The following NCS1 variants were observed in gnomAD, a reference collection of about 807,000 sequenced individuals.
NCS1 encodes the protein neuronal calcium sensor 1.
In NCS1, 6 loss-of-function variants were observed where a neutral mutation model predicts 28.4. The observed-to-expected ratio is 0.21, with a 90% CI of 0.12 to 0.42. The LOEUF is 0.42. Ranked by LOEUF, NCS1 falls within the 10% of genes least tolerant of loss-of-function variation. The pLI, the probability that NCS1 is intolerant of heterozygous loss-of-function variation, is 1.00. For missense variants in NCS1, 131 were observed against 241.4 expected, an observed-to-expected ratio of 0.54 and a Z score of 3.03; for synonymous variants, 86 against 99.3, an observed-to-expected ratio of 0.87 and a Z score of 0.79.
rs1833245932 is a variant in NCS1 at position 130,219,632 on chromosome 9, A to G, written c.229-93A>G. On this transcript the variant is annotated intron_variant, in intron 3 of 7. Coordinates refer to ENST00000372398, the MANE Select transcript of NCS1 (RefSeq NM_014286.4). The surrounding 1 kb of genome is among the most constrained non-coding windows in gnomAD (Gnocchi z 5.7). ...AGTGTCCATTGGCCACAGTGTCTGG[A>G]GCCTGCGACTGCCCCTCGCCCGTCC... 8.7e-7 allele frequency: 1 copy of G among 1,149,036 alleles called. No homozygotes were observed. The highest frequency in any genetic ancestry group is 1.3e-5 in the South Asian group (1 of 78,516). 71.2% of individuals were successfully genotyped at this position (1,149,036 alleles called of 1,614,324 possible). A position where few individuals can be genotyped will look rare whatever the true frequency, so the allele number is the denominator to read the frequency against.
chr9:130,212,961 G>T (rs10988641), intron 2 of NCS1, among the ~76,000 whole-genome samples: 85,348 of 151,790 alleles, frequency 0.56, 24,533 homozygotes, highest in East Asian at 0.86. Context: ...GGCTGGGGTG[G>T]CTGGGAAGGT....
rs1833604904 is a variant in NCS1, at chr9:130,237,070, G to A, written c.*4098G>A. ...GCTTGCAAAAACAAACAAACAAAAG[G>A]CAATGTCTTCTGGTTGTGGTTATTT... On this transcript the variant is annotated 3_prime_UTR_variant, in exon 8 of 8. Coordinates refer to ENST00000372398, the MANE Select transcript of NCS1 (RefSeq NM_014286.4). 1 of 152,252 alleles carries A rather than the reference G, an allele frequency of 6.6e-6. No individual in the cohort carries two copies. Among genetic ancestry groups the A allele is most frequent in the African/African-American group, 2.4e-5 (1 of 41,414 alleles). 9.4% of individuals were successfully genotyped at this position (152,252 alleles called of 1,614,324 possible). A position where few individuals can be genotyped will look rare whatever the true frequency, so the allele number is the denominator to read the frequency against.
intron 1 of NCS1, among the ~76,000 whole-genome samples, chr9:130,176,138 T>TTTTC (rs71387327): frequency 0.075 from 7,671 of 101,972 alleles, 519 homozygotes; most frequent in South Asian, 0.099. Context: ...TATTTGTTCA[T>TTTTC]TTTCTTTCTT....
chr9:130,200,927 T>G, intron 1 of NCS1, 31 bp from the exon 2 acceptor site: 1 of 1,614,232 alleles, frequency 6.2e-7, no homozygotes, highest in Non-Finnish European at 8.5e-7. Flanking sequence ...TTCCCTGAGC[T>G]AAAAGCCTAC....
chr9:130,199,794 C>T (rs139870245), intron 1 of NCS1, among the ~76,000 whole-genome samples: 66 of 152,364 alleles, frequency 4.3e-4, no homozygotes, highest in African/African-American at 1.6e-3. Flanking sequence ...ACAAACAATT[C>T]AGAGACACCT....
intron 1 of NCS1, among the ~76,000 whole-genome samples, chr9:130,194,526 T>C (rs1216489253): frequency 1.3e-5 from 2 of 152,108 alleles, no homozygotes; most frequent in East Asian, 3.9e-4. Flanking sequence ...GCCCCCCCTC[T>C]CCCAGGGCCC....
chr9:130,211,433 C>T lies in NCS1; in HGVS notation c.90-6399C>T, dbSNP rs114770300. On this transcript the variant is annotated intron_variant, in intron 2 of 7. Transcript: ENST00000372398. ...CAGTCTGCAGGGAGACTCGGGATAA[C>T]GGGTTGTTCCTGGTGCCATCTCTAC... is the stretch of plus-strand genomic sequence containing the variant. Among the ~76,000 whole-genome samples the T allele has an allele frequency of 4.9e-3, 738 of 151,594 alleles. 9 individuals carry two copies. The highest frequency in any genetic ancestry group is 0.039 in the South Asian group (185 of 4,782).
intron 7 of NCS1, among the ~76,000 whole-genome samples, chr9:130,228,210 G>A (rs1772718149): frequency 6.6e-6 from 1 of 151,004 alleles, no homozygotes; most frequent in Admixed American, 6.6e-5. Flanking sequence ...TCTGCGACTG[G>A]GTCTCACTCT....
At chr9:130,193,281 G>T (rs1389606226) in intron 1 of NCS1, among the ~76,000 whole-genome samples, 3 of 152,240 alleles carry the variant, frequency 2.0e-5, no homozygotes, top group African/African-American at 7.2e-5. Flanking sequence ...GGCTGGAGAC[G>T]CACTGAGGCT....
In NCS1 at chr9:130,232,734, C is replaced by T. The variant is rs1002493325; in HGVS notation, c.*18-256C>T. On this transcript the variant is annotated intron_variant, in intron 7 of 7. Coordinates refer to ENST00000372398, the MANE Select transcript of NCS1 (RefSeq NM_014286.4). This position sits in a 1 kb window ranked among gnomAD's most constrained non-coding sequence, Gnocchi z 4.4. ...CCAAGAGGTGGAGGTTGCAGTGAGC[C>T]GAGATTATGCCACTGCACTGCAGCC... Among the ~76,000 whole-genome samples, 14 of 151,816 alleles carry T rather than the reference C, an allele frequency of 9.2e-5. 1 individual carries two copies. In the East Asian group the frequency reaches 1.7e-3, roughly 19 times the overall value.
chr9:130,207,918 A>G (rs1403695435), intron 2 of NCS1, among the ~76,000 whole-genome samples: 3 of 152,200 alleles, frequency 2.0e-5, no homozygotes, highest in Non-Finnish European at 2.9e-5. Context: ...CCGGGTCTGC[A>G]GCCAGCCCAG....
At chr9:130,185,840 C>T (rs782421233) in intron 1 of NCS1, among the ~76,000 whole-genome samples, 18 of 152,272 alleles carry the variant, frequency 1.2e-4, no homozygotes, top group Non-Finnish European at 1.8e-4. Context: ...ACAGCCTTGC[C>T]GGGCCATTGT....
rs56143021 is a variant in NCS1 at position 130,180,879 on chromosome 9, C to T, written c.64+8152C>T. 0.056 allele frequency among the ~76,000 whole-genome samples: 8,512 copies of T among 152,168 alleles called. 825 individuals are homozygous for T. Among genetic ancestry groups the T allele is most frequent in the African/African-American group, 0.19 (8,053 of 41,450 alleles). On this transcript the variant is annotated intron_variant, in intron 1 of 7. Transcript: ENST00000372398. The surrounding 1 kb of genome is among the most constrained non-coding windows in gnomAD (Gnocchi z 4.5). ...AACATGGAGGGCCTCTGTGGTGGCC[C>T]GGCTGGGTTGGTGGCCGGATTGTTC...
intron 1 of NCS1, among the ~76,000 whole-genome samples, chr9:130,184,391 A>G (rs531868128): frequency 6.8e-4 from 104 of 152,012 alleles, no homozygotes; most frequent in African/African-American, 2.5e-3. Flanking sequence ...GAGCCCTCAG[A>G]CTTCATCTGT....
chr9:130,186,877 C>A lies in NCS1; in HGVS notation c.65-14081C>A, dbSNP rs1339723717. 6.6e-6 allele frequency among the ~76,000 whole-genome samples: 1 copy of A among 152,206 alleles called. No individual in the cohort carries two copies. The highest frequency in any genetic ancestry group is 2.4e-5 in the African/African-American group (1 of 41,452). On this transcript the variant is annotated intron_variant, in intron 1 of 7. Coordinates refer to ENST00000372398, the MANE Select transcript of NCS1 (RefSeq NM_014286.4). The surrounding 1 kb of genome is among the most constrained non-coding windows in gnomAD (Gnocchi z 4.1). The stretch of plus-strand genomic sequence containing the variant: ...GCAGGAGGGCCCGTGCTGTGCTCAG[C>A]CTGGCTCCAAGCACGAGGGGCACTG...
rs982536231 is a variant in NCS1, at chr9:130,236,013, T to G, written c.*3041T>G. The G allele has an allele frequency of 6.6e-6, 1 of 152,298 alleles. No homozygotes were observed. The highest frequency in any genetic ancestry group is 1.5e-5 in the Non-Finnish European group (1 of 68,072). The allele number at this position is 152,298 out of a possible 1,614,324, so 9.4% of individuals were successfully genotyped here. ...AGGAGAATGTTCCGATTTTCCATGA[T>G]CTAAGCAGGCCACGTTTAAAATAAC... is the stretch of plus-strand genomic sequence containing the variant. On this transcript the variant is annotated 3_prime_UTR_variant, in exon 8 of 8. Transcript: ENST00000372398.
At chr9:130,173,021 G>A (rs1832508689) in intron 1 of NCS1, among the ~76,000 whole-genome samples, 1 of 152,160 alleles carries the variant, frequency 6.6e-6, no homozygotes. Flanking sequence ...CCTCTCCGCA[G>A]AGCTGTCCCA....
At chr9:130,216,962 TG>T (rs10988644) in intron 2 of NCS1, among the ~76,000 whole-genome samples, 38,523 of 151,536 alleles carry the variant, frequency 0.25, 5,220 homozygotes, top group Admixed American at 0.33. Context: ...GTTTGTGAAT[TG>T]GGTTTAGAAC....
At chr9:130,218,739 C>G (rs111247098) in intron 3 of NCS1, among the ~76,000 whole-genome samples, 1 of 152,066 alleles carries the variant, frequency 6.6e-6, no homozygotes, top group Non-Finnish European at 1.5e-5. Flanking sequence ...TTACAGGCGC[C>G]GTCACCACAC....
Sources: gnomAD v4.1 joint callset for allele counts (sites outside exome capture counted in the v4.1 genomes callset) on GRCh38, gnomAD v4.1.1 for gene constraint, Gnocchi (gnomAD v3.1) non-coding constraint, MANE v1.5 for transcripts, NCBI Gene and HGNC (gene_info 2026-07-23, HGNC 2026-07-21) for gene names.